RYR2: variants seen among roughly 807,000 people sequenced by gnomAD.
RYR2 encodes the protein ryanodine receptor 2, also known as cardiac muscle ryanodine receptor-calcium release channel.
RYR2 carries 227 observed loss-of-function variants against 601.1 expected under a neutral mutation model. The observed-to-expected ratio is 0.38, with a 90% confidence interval of 0.34 to 0.42. The LOEUF is 0.42. Among genes scored for constraint, RYR2 ranks in the 10% least tolerant of loss-of-function variants. The probability of loss-of-function intolerance (pLI) is 1.00; values close to 1 mark genes in which losing one functional copy is unlikely to be tolerated. For synonymous variants in RYR2, 2,223 were observed against 2,175.1 expected (o/e 1.02, Z -0.61); for missense variants, 4,646 against 6,156.5 (o/e 0.75, Z 8.21).
At position 237,456,755 on chromosome 1, in the gene RYR2, T is replaced by C; in HGVS notation, c.1612+20T>C. 1 of 1,612,546 alleles carries C rather than the reference T, an allele frequency of 6.2e-7. No individual in the cohort carries two copies. The highest frequency in any genetic ancestry group is 8.5e-7 in the Non-Finnish European group (1 of 1,179,102). On this transcript the variant is annotated intron_variant, in intron 16 of 104. Coordinates refer to ENST00000366574, the MANE Select transcript of RYR2 (RefSeq NM_001035.3). ...TGCTGGGTAAGAAGCATGATTGGGTTCATAGCAACAGAGTTATCTATTTAA... is the reference window on the plus strand; with the variant it reads ...TGCTGGGTAAGAAGCATGATTGGGTCCATAGCAACAGAGTTATCTATTTAA...
chr1:237,254,772 T>C (rs1347297543), intron 1 of RYR2, among the ~76,000 whole-genome samples: 2 of 152,224 alleles, frequency 1.3e-5, no homozygotes, highest in Admixed American at 1.3e-4. Flanking sequence ...ACACATAATA[T>C]CTCACAGTTT....
intron 91 of RYR2, among the ~76,000 whole-genome samples, chr1:237,787,597 C>CAAAA (rs778668137): frequency 3.6e-4 from 22 of 60,382 alleles, no homozygotes; most frequent in South Asian, 1.3e-3. Flanking sequence ...GTCTCAAAAA[C>CAAAA]AAAAAAAAAA....
rs563043925 is a variant in RYR2 at position 237,669,613 on chromosome 1, G to C, written c.8590+1655G>C. ...CAGAGGGTCTCCTCACTTCTCAGAC[G>C]GGGCGGCCGGGCAGAGACGCTCCTC... is the stretch of plus-strand genomic sequence containing the variant. On this transcript the variant is annotated intron_variant, in intron 58 of 104. Coordinates refer to ENST00000366574, the MANE Select transcript of RYR2 (RefSeq NM_001035.3). Among the ~76,000 whole-genome samples, 23 of 151,982 alleles carry C rather than the reference G, an allele frequency of 1.5e-4. No individual in the cohort carries two copies. In the South Asian group the frequency reaches 4.6e-3, roughly 30 times the overall value.
chr1:237,118,755 C>G (rs1211826695), intron 1 of RYR2, among the ~76,000 whole-genome samples: 1 of 152,046 alleles, frequency 6.6e-6, no homozygotes, highest in Non-Finnish European at 1.5e-5. Flanking sequence ...AGGCATGGAC[C>G]ACCACGCCTG....
intron 33 of RYR2, among the ~76,000 whole-genome samples, chr1:237,594,905 T>TTTTTTTG (rs1675686932): frequency 1.0e-4 from 5 of 50,068 alleles, no homozygotes; most frequent in African/African-American, 2.3e-4. Flanking sequence ...TTTTTTTTTT[T>TTTTTTTG]TTTTTTTTTT....
intron 1 of RYR2, among the ~76,000 whole-genome samples, chr1:237,166,703 T>C (rs892536490): frequency 6.6e-6 from 1 of 152,220 alleles, no homozygotes; most frequent in African/African-American, 2.4e-5. Context: ...ATGTTGGCAA[T>C]TGGGTACAAT....
chr1:237,504,410 G>A (rs1163603936), intron 22 of RYR2, among the ~76,000 whole-genome samples: 1 of 152,142 alleles, frequency 6.6e-6, no homozygotes, highest in African/African-American at 2.4e-5. Flanking sequence ...CTTCTTAAGG[G>A]TGGGGGAGAT....
chr1:237,501,356 C>T (rs1664619390), intron 21 of RYR2, among the ~76,000 whole-genome samples: 1 of 152,062 alleles, frequency 6.6e-6, no homozygotes, highest in African/African-American at 2.4e-5. Flanking sequence ...GCCCAGATGG[C>T]TTTCTTCAGT....
intron 29 of RYR2, among the ~76,000 whole-genome samples, chr1:237,579,570 A>G (rs1247409361): frequency 6.6e-6 from 1 of 152,010 alleles, no homozygotes; most frequent in East Asian, 1.9e-4. Context: ...TTACTTCTTA[A>G]AGCACACTCA....
chr1:237,537,639 C>G (rs930293401), intron 25 of RYR2, among the ~76,000 whole-genome samples: 3 of 151,914 alleles, frequency 2.0e-5, no homozygotes, highest in African/African-American at 7.3e-5. Context: ...ATAGATTCAT[C>G]TAATGGCATA....
At chr1:237,673,207 C>T (rs1372609868) in intron 58 of RYR2, among the ~76,000 whole-genome samples, 1 of 152,106 alleles carries the variant, frequency 6.6e-6, no homozygotes, top group Non-Finnish European at 1.5e-5. Flanking sequence ...TATATATTAC[C>T]ACACATGTTT....
chr1:237,523,988 G>A (rs1327116981), intron 24 of RYR2, among the ~76,000 whole-genome samples: 1 of 152,126 alleles, frequency 6.6e-6, no homozygotes, highest in African/African-American at 2.4e-5. Context: ...CACCACTTTG[G>A]AAAATAGTTT....
At chr1:237,580,155 C>CTTTTTTT (rs58145628) in intron 29 of RYR2, among the ~76,000 whole-genome samples, 23,342 of 114,904 alleles carry the variant, frequency 0.2, 2,681 homozygotes, top group East Asian at 0.46. Context: ...CACAACAATT[C>CTTTTTTT]TTTTTTTTTT....
At chr1:237,725,393 C>T (rs142091377) in intron 74 of RYR2, among the ~76,000 whole-genome samples, 4 of 152,156 alleles carry the variant, frequency 2.6e-5, no homozygotes, top group East Asian at 1.9e-4. Flanking sequence ...CACAGAGGAG[C>T]GTGCAAAGAA....
chr1:237,275,715 C>A (rs1005198203), intron 2 of RYR2, among the ~76,000 whole-genome samples: 1 of 152,048 alleles, frequency 6.6e-6, no homozygotes, highest in African/African-American at 2.4e-5. Context: ...ATGTCAAAAT[C>A]TGAACCTCAA....
intron 38 of RYR2, among the ~76,000 whole-genome samples, chr1:237,618,083 A>G (rs1678674061): frequency 6.6e-6 from 1 of 152,168 alleles, no homozygotes; most frequent in African/African-American, 2.4e-5. Flanking sequence ...ATGGTGTTAA[A>G]CAATGTAATT....
intron 24 of RYR2, among the ~76,000 whole-genome samples, chr1:237,520,229 A>G (rs937278245): frequency 1.3e-5 from 2 of 152,190 alleles, no homozygotes; most frequent in African/African-American, 2.4e-5. Flanking sequence ...TTTCCTTGAC[A>G]TAAGATCAAA....
chr1:237,372,862 T>C (rs1700745037), intron 6 of RYR2, among the ~76,000 whole-genome samples: 1 of 152,234 alleles, frequency 6.6e-6, no homozygotes, highest in African/African-American at 2.4e-5. Flanking sequence ...TGGCATCTAC[T>C]ATGTGCTAGG....
chr1:237,228,968 C>T (rs913751773), intron 1 of RYR2, among the ~76,000 whole-genome samples: 4 of 152,102 alleles, frequency 2.6e-5, no homozygotes, highest in African/African-American at 9.7e-5. Context: ...GCACCAAGAA[C>T]TGTGGGAAGT....
Sources: allele counts gnomAD v4.1 joint callset (sites outside exome capture counted in the v4.1 genomes callset), GRCh38; gene constraint gnomAD v4.1.1; transcripts MANE v1.5; gene names NCBI Gene and HGNC (gene_info 2026-07-23, HGNC 2026-07-21).